Variants in GABBR2 observed in about 807,000 individuals in gnomAD.
GABBR2 encodes G-protein coupled receptor 51.
In GABBR2, 23 loss-of-function variants were observed where a neutral mutation model predicts 105.6. The ratio of observed to expected loss-of-function variants is 0.22; its 90% confidence interval spans 0.16 to 0.31. GABBR2 has a LOEUF of 0.31. Ranked by LOEUF, GABBR2 falls within the 10% of genes least tolerant of loss-of-function variation. GABBR2 has a pLI of 1.00. For missense variants in GABBR2, 734 were observed against 1,245.5 expected (o/e 0.59, Z 6.18); for synonymous variants, 478 against 499.7 (o/e 0.96, Z 0.58).
At chr9:98,390,112 T>G (rs1214322268) in intron 9 of GABBR2, among the ~76,000 whole-genome samples, 1 of 152,172 alleles carries the variant, frequency 6.6e-6, no homozygotes, top group East Asian at 1.9e-4. Context: ...TGGTGGCTCA[T>G]GCCTGTAATC....
chr9:98,372,870 G>C (rs1160739616), intron 11 of GABBR2, among the ~76,000 whole-genome samples: 1 of 152,228 alleles, frequency 6.6e-6, no homozygotes, highest in Non-Finnish European at 1.5e-5. Flanking sequence ...AAGGACAACA[G>C]TATCACAGCG....
chr9:98,451,543 A>G (rs558361544), intron 7 of GABBR2, among the ~76,000 whole-genome samples: 1 of 141,224 alleles, frequency 7.1e-6, no homozygotes, highest in South Asian at 2.2e-4. Flanking sequence ...GCCCCCCAGC[A>G]GTGGTCTCAA....
At chr9:98,635,350 C>A (rs571798240) in intron 1 of GABBR2, among the ~76,000 whole-genome samples, 1 of 152,248 alleles carries the variant, frequency 6.6e-6, no homozygotes, top group African/African-American at 2.4e-5. Flanking sequence ...GAGAGTGACT[C>A]CCAGGTGCCA....
At chr9:98,602,474 AT>A (rs199944919) in intron 1 of GABBR2, among the ~76,000 whole-genome samples, 5 of 150,134 alleles carry the variant, frequency 3.3e-5, no homozygotes. Context: ...AAAAAAAAAA[AT>A]GGTAAATGTC....
intron 1 of GABBR2, among the ~76,000 whole-genome samples, chr9:98,634,667 C>T (rs760080758): frequency 6.6e-6 from 1 of 152,142 alleles, no homozygotes; most frequent in Non-Finnish European, 1.5e-5. Flanking sequence ...GAACTGTGAG[C>T]TAATAAATTT....
At position 98,649,048 on chromosome 9, in the gene GABBR2, C is replaced by T. The variant is rs190405638; in HGVS notation, c.321+59369G>A. Among the ~76,000 whole-genome samples, 15 of 152,246 alleles carry T rather than the reference C, an allele frequency of 9.9e-5. No individual in the cohort carries two copies. In the East Asian group the frequency reaches 2.9e-3, roughly 29 times the overall value. On this transcript the variant is annotated intron_variant, in intron 1 of 18. Transcript: ENST00000259455. Reference sequence around the variant, plus strand: ...AAAACACAGAGCCCAAAGGAAAGTCCGCAACCTAAAGGTCCATTAAAAAGT... The same window carrying T: ...AAAACACAGAGCCCAAAGGAAAGTCTGCAACCTAAAGGTCCATTAAAAAGT...
At chr9:98,533,983 A>T (rs2131730525) in intron 3 of GABBR2, among the ~76,000 whole-genome samples, 1 of 152,302 alleles carries the variant, frequency 6.6e-6, no homozygotes, top group East Asian at 1.9e-4. Flanking sequence ...TCTAGATTAG[A>T]TGCAAGCCCA....
Position 98,708,870 on chromosome 9 carries a change from G to A in GABBR2, c.-133C>T. On this transcript the variant is annotated 5_prime_UTR_variant, in exon 1 of 19. Coordinates refer to ENST00000259455, the MANE Select transcript of GABBR2 (RefSeq NM_005458.8). ...CGGGCCCCGGCTCCGTCTCGGGCTA[G>A]GGTTCCGGCTCGGCTCAGAACGGCC... 2.3e-6 allele frequency: 1 copy of A among 438,972 alleles called. No homozygotes were observed. The highest frequency in any genetic ancestry group is 3.0e-6 in the Non-Finnish European group (1 of 333,850). The allele number at this position is 438,972 out of a possible 1,614,324, so 27.2% of individuals were successfully genotyped here. A position where few individuals can be genotyped will look rare whatever the true frequency, so the allele number is the denominator to read the frequency against.
At chr9:98,392,256 G>T (rs889790772) in intron 9 of GABBR2, among the ~76,000 whole-genome samples, 1 of 152,174 alleles carries the variant, frequency 6.6e-6, no homozygotes, top group Non-Finnish European at 1.5e-5. Context: ...CACCAAATTC[G>T]TGTTTTTCCT....
chr9:98,673,610 G>A (rs1371106083), intron 1 of GABBR2, among the ~76,000 whole-genome samples: 4 of 148,380 alleles, frequency 2.7e-5, no homozygotes, highest in African/African-American at 7.4e-5. Flanking sequence ...GGAATAAAAA[G>A]ATTTTAGAAA....
intron 13 of GABBR2, among the ~76,000 whole-genome samples, chr9:98,319,748 G>A (rs530988173): frequency 7.2e-5 from 11 of 152,202 alleles, no homozygotes; most frequent in African/African-American, 2.4e-4. Flanking sequence ...GTGGAGAAAC[G>A]CAGGCGCAGA....
At chr9:98,374,004 T>G (rs979267809) in intron 11 of GABBR2, among the ~76,000 whole-genome samples, 1 of 152,018 alleles carries the variant, frequency 6.6e-6, no homozygotes, top group Non-Finnish European at 1.5e-5. Context: ...ACTGCAGGCA[T>G]GCACCACCAT....
Position 98,486,016 on chromosome 9 carries a change from G to T in GABBR2, c.733-5019C>A, listed in dbSNP as rs141678176. ...GTCTGTGCTCCGGAGACCCCTGTGG[G>T]GCCAGGCTAAACTGGTATCCATCCA... On this transcript the variant is annotated intron_variant, in intron 4 of 18. Transcript: ENST00000259455. Among the ~76,000 whole-genome samples the T allele has an allele frequency of 2.5e-3, 385 of 152,274 alleles. 3 individuals carry two copies. The highest frequency in any genetic ancestry group is 0.015 in the South Asian group (73 of 4,814).
At chr9:98,509,649 C>G (rs1827595114) in intron 3 of GABBR2, among the ~76,000 whole-genome samples, 1 of 152,020 alleles carries the variant, frequency 6.6e-6, no homozygotes, top group Non-Finnish European at 1.5e-5. Flanking sequence ...CCAATGCGAT[C>G]AACTGGAAGA....
chr9:98,425,478 T>G (rs1537958), intron 7 of GABBR2, among the ~76,000 whole-genome samples: 120,089 of 152,034 alleles, frequency 0.79, 47,525 homozygotes, highest in East Asian at 0.89. Context: ...CACATTTTTG[T>G]GATCAGTCTC....
chr9:98,360,445 G>T (rs77364847), intron 13 of GABBR2, among the ~76,000 whole-genome samples: 2,205 of 152,276 alleles, frequency 0.014, 18 homozygotes, highest in Non-Finnish European at 0.022. Context: ...AGAAATCTCA[G>T]CACACCCTGC....
At chr9:98,649,308 T>TA (rs1830072914) in intron 1 of GABBR2, among the ~76,000 whole-genome samples, 1 of 152,234 alleles carries the variant, frequency 6.6e-6, no homozygotes, top group African/African-American at 2.4e-5. Context: ...TCTTCTTTGT[T>TA]AAAAAATACT....
At chr9:98,664,846 C>A (rs1031587204) in intron 1 of GABBR2, among the ~76,000 whole-genome samples, 1 of 152,152 alleles carries the variant, frequency 6.6e-6, no homozygotes, top group Non-Finnish European at 1.5e-5. Context: ...AATTATTGGG[C>A]CAGGTGCAGT....
chr9:98,409,731 A>G (rs548815001), intron 7 of GABBR2, among the ~76,000 whole-genome samples: 49 of 152,160 alleles, frequency 3.2e-4, no homozygotes, highest in Middle Eastern at 3.4e-3. Context: ...AATTCAGGAC[A>G]CCCGTGAAGG....
Sources: allele counts gnomAD v4.1 joint callset (sites outside exome capture counted in the v4.1 genomes callset), GRCh38; gene constraint gnomAD v4.1.1; transcripts MANE v1.5; gene names NCBI Gene and HGNC (gene_info 2026-07-23, HGNC 2026-07-21).